Variants in FKBP5 observed in about 807,000 individuals in gnomAD.
The protein encoded by FKBP5 is FKBP prolyl isomerase 5, also known as peptidyl-prolyl cis-trans isomerase FKBP5.
In FKBP5, 23 loss-of-function variants were observed where a neutral mutation model predicts 50.5. That is an observed-to-expected ratio of 0.46 (90% confidence interval 0.33 to 0.65). The LOEUF (loss-of-function observed/expected upper bound fraction) is 0.65. FKBP5 is among the 30% of genes least tolerant of loss of function. The pLI, the probability that FKBP5 is intolerant of heterozygous loss-of-function variation, is 0.02. For synonymous variants in FKBP5, 176 were observed against 190.6 expected (o/e 0.92, Z 0.63); for missense variants, 411 against 553.1 (o/e 0.74, Z 2.58).
intron 1 of FKBP5, among the ~76,000 whole-genome samples, chr6:35,655,548 G>A (rs1764923560): frequency 6.6e-6 from 1 of 152,152 alleles, no homozygotes; most frequent in African/African-American, 2.4e-5. Context: ...TATACATGTA[G>A]AGAATGTGTC....
chr6:35,629,656 A>G (rs1396205229), intron 3 of FKBP5, among the ~76,000 whole-genome samples: 1 of 152,170 alleles, frequency 6.6e-6, no homozygotes, highest in Admixed American at 6.5e-5. Flanking sequence ...GCAAAGAACT[A>G]TAGCACCACA....
chr6:35,691,183 G>T (rs1387316163), upstream of FKBP5, among the ~76,000 whole-genome samples: 7 of 152,130 alleles, frequency 4.6e-5, no homozygotes, highest in African/African-American at 1.2e-4. Flanking sequence ...ACAGATGTCT[G>T]CATAGGGCAC....
chr6:35,651,435 G>C (rs534934426), intron 1 of FKBP5, among the ~76,000 whole-genome samples: 1 of 152,174 alleles, frequency 6.6e-6, no homozygotes, highest in East Asian at 1.9e-4. Flanking sequence ...ACTCTGGCTG[G>C]GGTATGTTGA....
intron 8 of FKBP5, chr6:35,582,680 A>ATACT: frequency 1.0e-6 from 1 of 985,340 alleles, no homozygotes; most frequent in Non-Finnish European, 1.2e-6. Context: ...AGCTAAGACA[A>ATACT]TACTTAAATT....
At chr6:35,576,046 T>A in intron 10 of FKBP5, 104 bp from the exon 11 acceptor site, 1 of 814,074 alleles carries the variant, frequency 1.2e-6, no homozygotes, top group Non-Finnish European at 2.1e-6. Flanking sequence ...GGTATTGCAA[T>A]GATTTTCTCT....
chr6:35,695,602 A>C (rs1766068563), intron 2 of FKBP5, among the ~76,000 whole-genome samples: 1 of 152,226 alleles, frequency 6.6e-6, no homozygotes, highest in African/African-American at 2.4e-5. Flanking sequence ...TTGTATATGG[A>C]AAATCTTAAG....
At chr6:35,692,061 C>T (rs989125132), upstream of FKBP5, among the ~76,000 whole-genome samples, 2 of 152,260 alleles carry the variant, frequency 1.3e-5, no homozygotes, top group Admixed American at 1.3e-4. Flanking sequence ...GCTTGTGGAA[C>T]TGCTCAAACC....
intron 7 of FKBP5, 150 bp from the exon 8 acceptor site, chr6:35,587,267 T>TA: frequency 2.8e-6 from 2 of 702,096 alleles, no homozygotes; most frequent in East Asian, 5.0e-5. Flanking sequence ...AATTTACTGC[T>TA]AGGCCAGTGC....
intron 1 of FKBP5, among the ~76,000 whole-genome samples, chr6:35,656,874 G>GTGACAAAGT (rs1197222061): frequency 2.8e-5 from 4 of 143,016 alleles, no homozygotes; most frequent in African/African-American, 7.9e-5. Flanking sequence ...TCCAGCCTGG[G>GTGACAAAGT]GAAACAGCAA....
chr6:35,590,115 C>T (rs1762767111), intron 7 of FKBP5, among the ~76,000 whole-genome samples: 3 of 152,168 alleles, frequency 2.0e-5, no homozygotes, highest in Non-Finnish European at 4.4e-5. Flanking sequence ...TGGGGCAACA[C>T]AGTGAGACCC....
At chr6:35,649,938 A>G (rs1318954022) in intron 1 of FKBP5, among the ~76,000 whole-genome samples, 1 of 152,248 alleles carries the variant, frequency 6.6e-6, no homozygotes. Context: ...GCAAATGCAT[A>G]CTATAAAAAT....
intron 2 of FKBP5, among the ~76,000 whole-genome samples, chr6:35,710,719 GC>G (rs1385256296): frequency 6.6e-6 from 1 of 152,088 alleles, no homozygotes; most frequent in African/African-American, 2.4e-5. Flanking sequence ...TTTCATAATA[GC>G]CCAAAATGAC....
In FKBP5 at chr6:35,658,677, A is replaced by AC. The variant is rs1489234869; in HGVS notation, c.-19-15835_-19-15834insG. Among the ~76,000 whole-genome samples the AC allele has an allele frequency of 4.8e-4, 10 of 20,668 alleles. 2 individuals are homozygous for AC. The highest frequency in any genetic ancestry group is 3.4e-3 in the South Asian group (2 of 596). The allele number at this position is 20,668 out of a possible 152,430, so 13.6% of individuals were successfully genotyped here. ...ATGTGGTACATGACATTGGTTTTCA[A>AC]ATGTTAAACCAACCTTGGATACCTG... On this transcript the variant is annotated intron_variant, in intron 1 of 10. Transcript: ENST00000357266.
At chr6:35,655,694 A>T (rs1428451200) in intron 1 of FKBP5, among the ~76,000 whole-genome samples, 2 of 152,252 alleles carry the variant, frequency 1.3e-5, no homozygotes, top group African/African-American at 4.8e-5. Flanking sequence ...ATAAAGAATC[A>T]GTGCTGAAAT....
chr6:35,586,888 A>T, intron 8 of FKBP5, 146 bp downstream of exon 8: 1 of 1,488,426 alleles, frequency 6.7e-7, no homozygotes, highest in Non-Finnish European at 9.0e-7. Flanking sequence ...ACCATTTTTC[A>T]TATTGAAAAT....
intron 1 of FKBP5, among the ~76,000 whole-genome samples, chr6:35,653,122 G>A (rs138860131): frequency 1.7e-3 from 252 of 152,266 alleles, no homozygotes; most frequent in Admixed American, 4.1e-3. Flanking sequence ...ACACCGAGGC[G>A]GGAGTATTGC....
intron 5 of FKBP5, among the ~76,000 whole-genome samples, chr6:35,608,980 T>C (rs970065869): frequency 6.6e-5 from 10 of 152,142 alleles, no homozygotes; most frequent in Admixed American, 6.5e-4. Flanking sequence ...GTATTTTTAC[T>C]AGAGATGGGG....
chr6:35,604,338 T>C (rs1195964005), intron 5 of FKBP5, among the ~76,000 whole-genome samples: 1 of 152,214 alleles, frequency 6.6e-6, no homozygotes, highest in East Asian at 1.9e-4. Flanking sequence ...TATGATTTTA[T>C]TCTACCTGAA....
chr6:35,628,655 C>T (rs1018521716), intron 3 of FKBP5, among the ~76,000 whole-genome samples: 2 of 152,178 alleles, frequency 1.3e-5, no homozygotes, highest in African/African-American at 4.8e-5. Flanking sequence ...ATCCTTTCTT[C>T]TTTTTATACT....
Sources: gnomAD v4.1 joint callset for allele counts (sites outside exome capture counted in the v4.1 genomes callset) on GRCh38, gnomAD v4.1.1 for gene constraint, MANE v1.5 for transcripts, NCBI Gene and HGNC (gene_info 2026-07-23, HGNC 2026-07-21) for gene names.